The following TRA2A variants were observed in gnomAD, a reference collection of about 807,000 sequenced individuals.
TRA2A encodes the protein transformer 2 alpha homolog, also known as transformer-2 protein homolog alpha.
Under a neutral mutation model 45.7 loss-of-function variants are expected in TRA2A, and 31 were observed. The ratio of observed to expected loss-of-function variants is 0.68; its 90% CI spans 0.51 to 0.92. The LOEUF is 0.92. TRA2A is among the 40% of genes least tolerant of loss of function. TRA2A has a pLI of 0.00. For missense variants in TRA2A, 304 were observed against 367.5 expected, an observed-to-expected ratio of 0.83 and a Z score of 1.41; for synonymous variants, 132 against 126.2, an observed-to-expected ratio of 1.05 and a Z score of -0.31.
chr7:23,530,440 G>A (rs1201360817), intron 1 of TRA2A, among the ~76,000 whole-genome samples: 1 of 152,158 alleles, frequency 6.6e-6, no homozygotes, highest in Non-Finnish European at 1.5e-5. Context: ...TTTATATCAT[G>A]AACTCCCCAA....
intron 3 of TRA2A, among the ~76,000 whole-genome samples, 183 bp from the exon 4 acceptor site, chr7:23,513,265 A>G (rs1789708966): frequency 6.6e-6 from 1 of 152,198 alleles, no homozygotes. Flanking sequence ...AGTACACCCA[A>G]GGCCTTCTTT....
chr7:23,514,194 A>C (rs961239253), intron 3 of TRA2A, among the ~76,000 whole-genome samples: 1 of 151,780 alleles, frequency 6.6e-6, no homozygotes, highest in African/African-American at 2.4e-5. Flanking sequence ...CAGCCTCCCA[A>C]GTAGACGGGA....
chr7:23,512,670 G>C lies in TRA2A; in HGVS notation c.525+224C>G, dbSNP rs536697772. Among the ~76,000 whole-genome samples, 5 of 151,924 alleles carry C rather than the reference G, an allele frequency of 3.3e-5. No homozygotes were observed. In the South Asian group the frequency reaches 1.0e-3, roughly 32 times the overall value. On this transcript the variant is annotated intron_variant, in intron 4 of 7. Transcript: ENST00000297071. ...AGACGGGGTTTCACCGTGTTAGCCA[G>C]GATAGTCTCGATCTCCTGACCTCGT...
rs5882904 is a variant in TRA2A at position 23,505,585 on chromosome 7, CAAAAAAAAAA to C, written c.839-26_839-17del. ...CAATAGCGTCCTAAAAGAGAAAAAGCAAAAAAAAAAAAAAAAAAAAAAAGTTAACAATTAT... is the reference window on the plus strand; with the variant it reads ...CAATAGCGTCCTAAAAGAGAAAAAGCAAAAAAAAAAAAAGTTAACAATTAT... On this transcript the variant is annotated splice_polypyrimidine_tract_variant and intron_variant, in intron 7 of 7. Transcript: ENST00000297071. The C allele has an allele frequency of 2.8e-4, 68 of 244,978 alleles. 1 individual carries two copies. The Middle Eastern group carries it at 4.7e-3, about 17-fold the overall frequency. The allele number at this position is 244,978 out of a possible 1,614,324, so 15.2% of individuals were successfully genotyped here.
intron 1 of TRA2A, among the ~76,000 whole-genome samples, chr7:23,528,205 C>T (rs568192957): frequency 6.7e-4 from 102 of 152,126 alleles, no homozygotes; most frequent in African/African-American, 2.4e-3. Flanking sequence ...TTTAAAAGTT[C>T]TGTGTTTTTT....
At chr7:23,514,954 T>A (rs1334911486) in intron 3 of TRA2A, among the ~76,000 whole-genome samples, 1 of 152,196 alleles carries the variant, frequency 6.6e-6, no homozygotes, top group Non-Finnish European at 1.5e-5. Flanking sequence ...GGTTGAAACC[T>A]AGACTGCTAG....
chr7:23,518,261 A>G (rs1056773140), intron 2 of TRA2A, among the ~76,000 whole-genome samples: 4 of 151,478 alleles, frequency 2.6e-5, no homozygotes, highest in Admixed American at 2.0e-4. Flanking sequence ...TATCATTTCC[A>G]TTTCCAATTC....
intron 1 of TRA2A, chr7:23,531,495 T>A: frequency 2.0e-6 from 1 of 506,360 alleles, no homozygotes; most frequent in Non-Finnish European, 3.5e-6. Context: ...GGAGCAGACA[T>A]AAGGAAGCCT....
At chr7:23,516,078 C>T (rs568078135) in intron 3 of TRA2A, among the ~76,000 whole-genome samples, 22 of 151,922 alleles carry the variant, frequency 1.4e-4, no homozygotes, top group Admixed American at 8.5e-4. Context: ...AGGCTAAGGC[C>T]GCAGTGAGTC....
At chr7:23,505,964 G>GTA in intron 6 of TRA2A, 151 bp from the exon 7 acceptor site, 1 of 708,596 alleles carries the variant, frequency 1.4e-6, no homozygotes, top group Non-Finnish European at 2.3e-6. Context: ...GACCAGAAAA[G>GTA]TATATAGCAC....
intron 1 of TRA2A, among the ~76,000 whole-genome samples, chr7:23,524,366 T>C (rs1194767221): frequency 6.6e-6 from 1 of 152,114 alleles, no homozygotes; most frequent in African/African-American, 2.4e-5. Flanking sequence ...GTATTTTTAA[T>C]AGAGATGGGG....
intron 2 of TRA2A, among the ~76,000 whole-genome samples, chr7:23,520,361 G>A (rs1790077724): frequency 6.6e-6 from 1 of 152,192 alleles, no homozygotes; most frequent in Non-Finnish European, 1.5e-5. Context: ...AATGAGACAG[G>A]AGAAAAACGT....
chr7:23,529,422 G>C (rs932410345), intron 1 of TRA2A, among the ~76,000 whole-genome samples: 1 of 152,008 alleles, frequency 6.6e-6, no homozygotes, highest in Non-Finnish European at 1.5e-5. Flanking sequence ...CACCACGCCC[G>C]GCTAATTTTG....
At chr7:23,516,649 G>T in intron 2 of TRA2A, 121 bp from the exon 3 acceptor site, 1 of 823,972 alleles carries the variant, frequency 1.2e-6, no homozygotes, top group Non-Finnish European at 1.9e-6. Context: ...TGCTTCTGAG[G>T]AAAGGGTATT....
In TRA2A at chr7:23,505,585, CAA is replaced by C. The variant is rs5882904; in HGVS notation, c.839-18_839-17del. On this transcript the variant is annotated splice_polypyrimidine_tract_variant and intron_variant, in intron 7 of 7. Coordinates refer to ENST00000297071, the MANE Select transcript of TRA2A (RefSeq NM_013293.5). ...CAATAGCGTCCTAAAAGAGAAAAAG[CAA>C]AAAAAAAAAAAAAAAAAAAAAGTTA... 0.033 allele frequency: 7,809 copies of C among 239,300 alleles called. No individual in the cohort carries two copies. The highest frequency in any genetic ancestry group is 0.035 in the Non-Finnish European group (5,302 of 150,270). The allele number at this position is 239,300 out of a possible 1,614,324, so 14.8% of individuals were successfully genotyped here. A position where few individuals can be genotyped will look rare whatever the true frequency, so the allele number is the denominator to read the frequency against.
rs200139931 is a variant in TRA2A at position 23,507,574 on chromosome 7, C to A, written c.526-39G>T. 3 of 1,408,276 alleles carry A rather than the reference C, an allele frequency of 2.1e-6. No individual in the cohort carries two copies. The Admixed American group carries it at 5.1e-5, about 24-fold the overall frequency. 87.2% of individuals were successfully genotyped at this position (1,408,276 alleles called of 1,614,324 possible). A position where few individuals can be genotyped will look rare whatever the true frequency, so the allele number is the denominator to read the frequency against. The stretch of plus-strand genomic sequence containing the variant: ...GCACAAAAAGTCACGTATAATTCAC[C>A]AGTCTTGAAGTAATCATTACTTAAA... On this transcript the variant is annotated intron_variant, in intron 4 of 7. Coordinates refer to ENST00000297071, the MANE Select transcript of TRA2A (RefSeq NM_013293.5).
At chr7:23,519,555 C>T (rs1325581682) in intron 2 of TRA2A, among the ~76,000 whole-genome samples, 1 of 151,624 alleles carries the variant, frequency 6.6e-6, no homozygotes, top group Non-Finnish European at 1.5e-5. Context: ...GACTCCATCT[C>T]AAAAAACAAA....
rs780496910 is a variant in TRA2A at position 23,513,059 on chromosome 7, G to T, written c.360C>A (p.Cys120Ter). The T allele has an allele frequency of 6.2e-7, 1 of 1,605,978 alleles. No individual in the cohort carries two copies. The highest frequency in any genetic ancestry group is 8.5e-7 in the Non-Finnish European group (1 of 1,177,050). Residue 120 changes from cysteine to a stop codon, truncating the protein, a stop_gained, in exon 4 of 8, where the codon TGC (cysteine) becomes TGA (stop). Coordinates refer to ENST00000297071, the MANE Select transcript of TRA2A (RefSeq NM_013293.5). LOFTEE classifies it high-confidence loss of function. ...ACAAACTGAGGCCAAACACTCCAAGGCAAGTGTTGGGATCTGGATTTGCCT... is the reference window on the plus strand; with the variant it reads ...ACAAACTGAGGCCAAACACTCCAAGTCAAGTGTTGGGATCTGGATTTGCCT... ...GSRANPDPNT[C>*]LGVFGLSLYT...
At chr7:23,520,328 C>A (rs1422813750) in intron 2 of TRA2A, among the ~76,000 whole-genome samples, 3 of 152,134 alleles carry the variant, frequency 2.0e-5, no homozygotes, top group Non-Finnish European at 4.4e-5. Context: ...ATGTGAATAA[C>A]AATGTTCTCA....
Sources: gnomAD v4.1 joint callset for allele counts (sites outside exome capture counted in the v4.1 genomes callset) on GRCh38, gnomAD v4.1.1 for gene constraint, MANE v1.5 for transcripts, NCBI Gene and HGNC (gene_info 2026-07-23, HGNC 2026-07-21) for gene names.